NUP98: variants seen among roughly 807,000 people sequenced by gnomAD.
NUP98 encodes the protein nuclear pore complex protein Nup98-Nup96.
A neutral mutation model predicts 191.9 loss-of-function variants in NUP98; 26 were observed. The ratio of observed to expected loss-of-function variants is 0.14; its 90% CI spans 0.10 to 0.19. NUP98 has a LOEUF of 0.19. NUP98 is among the 10% of genes least tolerant of loss of function. NUP98 has a pLI of 1.00. For synonymous variants in NUP98, 808 were observed against 778.4 expected (o/e 1.04, Z -0.63); for missense variants, 1,941 against 2,178.8 (o/e 0.89, Z 2.17).
intron 12 of NUP98, among the ~76,000 whole-genome samples, chr11:3,743,453 T>C (rs557601909): frequency 2.9e-4 from 43 of 146,248 alleles, no homozygotes; most frequent in Admixed American, 2.9e-3. Flanking sequence ...GAGACCATCC[T>C]GGCTAACATG....
intron 15 of NUP98, among the ~76,000 whole-genome samples, chr11:3,723,783 A>G (rs1311664046): frequency 2.6e-5 from 4 of 151,498 alleles, no homozygotes; most frequent in African/African-American, 9.7e-5. Flanking sequence ...ATTTTATCCA[A>G]AAGAAAAAAA....
intron 12 of NUP98, among the ~76,000 whole-genome samples, chr11:3,738,641 T>C (rs2080163165): frequency 2.0e-5 from 3 of 152,012 alleles, no homozygotes; most frequent in South Asian, 4.1e-4. Flanking sequence ...TAGCCGGGCA[T>C]GGTGACACAT....
intron 30 of NUP98, among the ~76,000 whole-genome samples, chr11:3,681,735 C>A (rs142334597): frequency 6.6e-6 from 1 of 152,078 alleles, no homozygotes; most frequent in Non-Finnish European, 1.5e-5. Flanking sequence ...AGAGTAGATT[C>A]AGCATAATTC....
At chr11:3,708,123 G>C (rs1347867129) in intron 20 of NUP98, among the ~76,000 whole-genome samples, 1 of 152,026 alleles carries the variant, frequency 6.6e-6, no homozygotes, top group Non-Finnish European at 1.5e-5. Flanking sequence ...AATAAAATAG[G>C]CCAGGTCGTG....
chr11:3,772,877 C>A (rs952985773), intron 6 of NUP98, among the ~76,000 whole-genome samples: 1 of 151,548 alleles, frequency 6.6e-6, no homozygotes, highest in East Asian at 1.9e-4. Flanking sequence ...ACTAGGGAGG[C>A]TGAGGCACGA....
At chr11:3,731,123 G>C (rs2079831235) in intron 14 of NUP98, among the ~76,000 whole-genome samples, 1 of 152,134 alleles carries the variant, frequency 6.6e-6, no homozygotes, top group South Asian at 2.1e-4. Flanking sequence ...AATTAGCTGG[G>C]CGTGATGGCA....
At chr11:3,781,923 G>A (rs540874806) in intron 2 of NUP98, 119 bp downstream of exon 2, 40 of 553,476 alleles carry the variant, frequency 7.2e-5, no homozygotes, top group East Asian at 9.6e-5. Context: ...TTTTCAAGAC[G>A]ACTTTGTTAT....
chr11:3,720,557 T>C (rs989342844), intron 17 of NUP98, among the ~76,000 whole-genome samples, 155 bp downstream of exon 17: 1 of 152,030 alleles, frequency 6.6e-6, no homozygotes, highest in African/African-American at 2.4e-5. Flanking sequence ...CCAGTCTTTC[T>C]TGTTTTGTTA....
chr11:3,711,165 A>T (rs901019463), intron 20 of NUP98, among the ~76,000 whole-genome samples: 2 of 151,946 alleles, frequency 1.3e-5, no homozygotes, highest in African/African-American at 4.8e-5. Context: ...AGGCTGCTTG[A>T]ACCTGGGAGG....
At chr11:3,705,942 G>A (rs533419059) in intron 21 of NUP98, among the ~76,000 whole-genome samples, 19 of 149,248 alleles carry the variant, frequency 1.3e-4, no homozygotes, top group African/African-American at 4.7e-4. Flanking sequence ...CTGAGGTCAG[G>A]AGTTCGAGAC....
At chr11:3,780,954 C>T (rs1264059156) in intron 2 of NUP98, among the ~76,000 whole-genome samples, 2 of 151,956 alleles carry the variant, frequency 1.3e-5, no homozygotes, top group East Asian at 1.9e-4. Context: ...GTGCCATACA[C>T]CTGTCATCCC....
chr11:3,700,270 A>C (rs1413072242), intron 24 of NUP98, among the ~76,000 whole-genome samples: 2 of 120,888 alleles, frequency 1.7e-5, no homozygotes, highest in East Asian at 7.5e-4. Context: ...CTCCGTCTCA[A>C]AAAAAAAAAA....
chr11:3,750,849 T>C (rs1017687247), intron 11 of NUP98, among the ~76,000 whole-genome samples: 8 of 152,126 alleles, frequency 5.3e-5, no homozygotes, highest in African/African-American at 1.9e-4. Context: ...TTGCTCAAGA[T>C]GATGTTAAAC....
chr11:3,702,313 A>ACTCTCTCTCTCT (rs71041375), intron 23 of NUP98, 150 bp downstream of exon 23: 34 of 349,256 alleles, frequency 9.7e-5, no homozygotes, highest in Non-Finnish European at 1.5e-4. Context: ...ACACACACAC[A>ACTCTCTCTCTCT]CTCTCTCTCT....
intron 12 of NUP98, among the ~76,000 whole-genome samples, chr11:3,740,152 G>A (rs780659258): frequency 6.6e-6 from 1 of 152,114 alleles, no homozygotes; most frequent in Non-Finnish European, 1.5e-5. Flanking sequence ...AATCCCAGAA[G>A]TCTAGGGACT....
chr11:3,763,807 C>A (rs1164715771), intron 8 of NUP98, among the ~76,000 whole-genome samples: 3 of 152,164 alleles, frequency 2.0e-5, no homozygotes, highest in South Asian at 4.1e-4. Flanking sequence ...CTCAGCCTCC[C>A]AAAATGCTGG....
intron 24 of NUP98, among the ~76,000 whole-genome samples, chr11:3,699,560 C>T (rs1406226964): frequency 6.6e-6 from 1 of 152,210 alleles, no homozygotes; most frequent in African/African-American, 2.4e-5. Context: ...TTGCTCATAT[C>T]ATGTTTCTGT....
chr11:3,720,038 G>A (rs1260719344), intron 17 of NUP98, among the ~76,000 whole-genome samples: 4 of 152,110 alleles, frequency 2.6e-5, no homozygotes, highest in African/African-American at 9.7e-5. Context: ...TAGAATTACA[G>A]GTGTGAGTCA....
At chr11:3,706,214 G>A (rs1282782164) in intron 21 of NUP98, among the ~76,000 whole-genome samples, 2 of 151,962 alleles carry the variant, frequency 1.3e-5, no homozygotes, top group Non-Finnish European at 2.9e-5. Flanking sequence ...CTAGGACTCT[G>A]GATTCTAATG....
Sources: allele counts gnomAD v4.1 joint callset (sites outside exome capture counted in the v4.1 genomes callset), GRCh38; gene constraint gnomAD v4.1.1; transcripts MANE v1.5; gene names NCBI Gene and HGNC (gene_info 2026-07-23, HGNC 2026-07-21).